CSMD1: variants seen among roughly 807,000 people sequenced by gnomAD.
CSMD1 encodes CUB and sushi domain-containing protein 1.
A neutral mutation model predicts 417.5 loss-of-function variants in CSMD1; 213 were observed. The observed-to-expected ratio is 0.51, with a 90% CI of 0.46 to 0.57. The LOEUF is 0.57. CSMD1 is among the 20% of genes least tolerant of loss of function. CSMD1 has a pLI of 0.00. For synonymous variants in CSMD1, 2,862 were observed against 1,736.8 expected (o/e 1.65, Z -16.11); for missense variants, 6,923 against 4,529.7 (o/e 1.53, Z -15.17).
chr8:3,498,644 G>T (rs575769297), intron 10 of CSMD1, among the ~76,000 whole-genome samples: 10 of 152,164 alleles, frequency 6.6e-5, no homozygotes, highest in Non-Finnish European at 4.4e-5. Context: ...GGGAATATTT[G>T]TCCCCTGCAT....
chr8:3,406,269 A>T, intron 14 of CSMD1, 48 bp from the exon 15 acceptor site: 1 of 1,426,428 alleles, frequency 7.0e-7, no homozygotes, highest in Non-Finnish European at 9.5e-7. Context: ...CTTGAGTATT[A>T]ATTACATGTA....
At chr8:4,486,260 T>G (rs1269658245) in intron 2 of CSMD1, among the ~76,000 whole-genome samples, 2 of 131,650 alleles carry the variant, frequency 1.5e-5, no homozygotes, top group African/African-American at 6.1e-5. Context: ...CATATATATA[T>G]ATATATATAT....
chr8:3,462,133 CA>C (rs1377591206), intron 12 of CSMD1, among the ~76,000 whole-genome samples: 2 of 147,308 alleles, frequency 1.4e-5, no homozygotes, highest in Admixed American at 6.8e-5. Flanking sequence ...CCCCCCCCCC[CA>C]CCTCCCAGCT....
At chr8:3,750,270 G>A (rs753286873) in intron 6 of CSMD1, among the ~76,000 whole-genome samples, 3 of 151,188 alleles carry the variant, frequency 2.0e-5, no homozygotes, top group Admixed American at 6.6e-5. Flanking sequence ...TAATATATGC[G>A]AAGCATAAAA....
At chr8:2,982,152 T>A (rs1440309197) in intron 54 of CSMD1, among the ~76,000 whole-genome samples, 1 of 152,068 alleles carries the variant, frequency 6.6e-6, no homozygotes, top group Admixed American at 6.5e-5. Context: ...GGTCAAGAGT[T>A]CGAGACCAGC....
At chr8:4,303,318 A>C (rs772088207) in intron 3 of CSMD1, among the ~76,000 whole-genome samples, 53 of 152,238 alleles carry the variant, frequency 3.5e-4, no homozygotes, top group Admixed American at 8.5e-4. Context: ...GGCACTGACA[A>C]ATGTATTAAA....
intron 10 of CSMD1, among the ~76,000 whole-genome samples, chr8:3,554,411 G>A (rs1000045081): frequency 5.3e-5 from 8 of 152,178 alleles, no homozygotes; most frequent in African/African-American, 1.7e-4. Flanking sequence ...AGCCCCCTCT[G>A]GGGGTCTGGG....
intron 26 of CSMD1, among the ~76,000 whole-genome samples, chr8:3,260,465 G>T (rs1800977975): frequency 6.6e-6 from 1 of 151,952 alleles, no homozygotes. Context: ...GACTCCAGAG[G>T]AAAGACAGTG....
At chr8:3,360,632 C>A (rs1809098168) in intron 20 of CSMD1, among the ~76,000 whole-genome samples, 1 of 152,162 alleles carries the variant, frequency 6.6e-6, no homozygotes, top group South Asian at 2.1e-4. Flanking sequence ...AAAAGATGTG[C>A]ATTATTGCAA....
At chr8:4,915,824 G>A (rs73507966) in intron 1 of CSMD1, among the ~76,000 whole-genome samples, 3,622 of 152,322 alleles carry the variant, frequency 0.024, 135 homozygotes, top group African/African-American at 0.082. Context: ...GCCACACGGA[G>A]ACCCATCTGT....
intron 7 of CSMD1, among the ~76,000 whole-genome samples, chr8:3,693,831 G>A (rs958993038): frequency 6.6e-6 from 1 of 150,914 alleles, no homozygotes; most frequent in Non-Finnish European, 1.5e-5. Context: ...TATGGTGTGT[G>A]TGTTGTGTGT....
At chr8:4,754,729 G>C (rs999530666) in intron 1 of CSMD1, among the ~76,000 whole-genome samples, 1 of 151,930 alleles carries the variant, frequency 6.6e-6, no homozygotes, top group African/African-American at 2.4e-5. Context: ...GGCGCCTGTA[G>C]TCCCAGCTAC....
intron 5 of CSMD1, among the ~76,000 whole-genome samples, chr8:3,883,314 A>G (rs1806329557): frequency 6.6e-6 from 1 of 152,194 alleles, no homozygotes; most frequent in Non-Finnish European, 1.5e-5. Flanking sequence ...ACGACATAAT[A>G]TAATACACAC....
chr8:3,246,096 G>T (rs1411164232), intron 26 of CSMD1, among the ~76,000 whole-genome samples: 2 of 152,072 alleles, frequency 1.3e-5, no homozygotes, highest in Non-Finnish European at 2.9e-5. Context: ...CATCTAGGAA[G>T]ATCTGCTAAG....
chr8:4,585,833 G>C (rs561901035), intron 2 of CSMD1, among the ~76,000 whole-genome samples: 2 of 152,078 alleles, frequency 1.3e-5, no homozygotes, highest in South Asian at 4.2e-4. Context: ...GTCCTTTTCA[G>C]GTCGAATAAA....
intron 25 of CSMD1, among the ~76,000 whole-genome samples, chr8:3,284,870 A>G (rs972455714): frequency 4.3e-4 from 66 of 152,224 alleles, no homozygotes; most frequent in Non-Finnish European, 7.3e-5. Context: ...TAAAAATTAT[A>G]TTTTAAAACT....
intron 1 of CSMD1, among the ~76,000 whole-genome samples, chr8:4,719,817 T>G (rs1364774290): frequency 6.6e-6 from 1 of 152,190 alleles, no homozygotes; most frequent in Non-Finnish European, 1.5e-5. Context: ...TGCCTTTTAC[T>G]TTCATAAATA....
At chr8:4,307,113 G>A (rs944714746) in intron 3 of CSMD1, among the ~76,000 whole-genome samples, 9 of 151,948 alleles carry the variant, frequency 5.9e-5, no homozygotes, top group Non-Finnish European at 1.0e-4. Flanking sequence ...CTACAAGGCC[G>A]GCTGCCTCCT....
At chr8:4,948,082 A>G (rs1808487003) in intron 1 of CSMD1, among the ~76,000 whole-genome samples, 1 of 151,234 alleles carries the variant, frequency 6.6e-6, no homozygotes, top group South Asian at 2.1e-4. Context: ...AAGAACATTA[A>G]TTTTTTTTTA....
Sources: allele counts gnomAD v4.1 joint callset (sites outside exome capture counted in the v4.1 genomes callset), GRCh38; gene constraint gnomAD v4.1.1; transcripts MANE v1.5; gene names NCBI Gene and HGNC (gene_info 2026-07-23, HGNC 2026-07-21).